The following DMRT1 variants were observed in gnomAD, a reference collection of about 807,000 sequenced individuals.
The protein encoded by DMRT1 is doublesex and mab-3 related transcription factor 1.
Under a neutral mutation model 32.3 loss-of-function variants are expected in DMRT1, and 7 were observed. That is an observed-to-expected ratio of 0.22 (90% CI 0.12 to 0.41). DMRT1 has a LOEUF of 0.41. Ranked by LOEUF, DMRT1 falls within the 10% of genes least tolerant of loss-of-function variation. The probability of loss-of-function intolerance (pLI) is 1.00; values close to 1 mark genes in which losing one functional copy is unlikely to be tolerated. For synonymous variants in DMRT1, 278 were observed against 206.1 expected, an observed-to-expected ratio of 1.35 and a Z score of -2.99; for missense variants, 625 against 500.5, an observed-to-expected ratio of 1.25 and a Z score of -2.37.
intron 2 of DMRT1, among the ~76,000 whole-genome samples, chr9:849,544 C>T (rs1839049325): frequency 1.3e-5 from 2 of 152,136 alleles, no homozygotes; most frequent in South Asian, 4.1e-4. Context: ...GAGTTCAGAA[C>T]GACTCTCACA....
intron 4 of DMRT1, among the ~76,000 whole-genome samples, chr9:921,460 A>G (rs549997069): frequency 7.2e-5 from 11 of 152,298 alleles, no homozygotes; most frequent in African/African-American, 2.4e-4. Flanking sequence ...ACATTTGTGT[A>G]CAAGTCTTTG....
intron 2 of DMRT1, among the ~76,000 whole-genome samples, 187 bp from the exon 3 acceptor site, chr9:893,725 G>C (rs1024690766): frequency 6.6e-6 from 1 of 152,210 alleles, no homozygotes; most frequent in Non-Finnish European, 1.5e-5. Flanking sequence ...TTTCGGTTGT[G>C]CCACCAGAGT....
intron 4 of DMRT1, among the ~76,000 whole-genome samples, chr9:923,853 CTT>C (rs2129814896): frequency 6.6e-6 from 1 of 152,236 alleles, no homozygotes; most frequent in African/African-American, 2.4e-5. Flanking sequence ...TTAGAAACGA[CTT>C]ATTATTTGCT....
At chr9:939,738 G>A (rs10977650) in intron 4 of DMRT1, among the ~76,000 whole-genome samples, 43,909 of 152,062 alleles carry the variant, frequency 0.29, 9,791 homozygotes, top group African/African-American at 0.63. Context: ...AGTGTACAAA[G>A]TAAAACCAGA....
intron 4 of DMRT1, among the ~76,000 whole-genome samples, chr9:954,864 A>C (rs920309031): frequency 6.6e-6 from 1 of 151,250 alleles, no homozygotes; most frequent in East Asian, 2.0e-4. Flanking sequence ...CTGGTCTCGG[A>C]CTCCTGACCT....
chr9:860,735 G>A (rs960397767), intron 2 of DMRT1, among the ~76,000 whole-genome samples: 3 of 152,308 alleles, frequency 2.0e-5, no homozygotes, highest in African/African-American at 7.2e-5. Context: ...TAAATAGGGT[G>A]GTCAAAGAAG....
intron 3 of DMRT1, 25 bp from the exon 4 acceptor site, chr9:916,738 A>T: frequency 6.2e-7 from 1 of 1,613,262 alleles, no homozygotes; most frequent in Non-Finnish European, 8.5e-7. Flanking sequence ...TGATCTCAGT[A>T]TATTTCTTCT....
chr9:852,412 T>G (rs7020362), intron 2 of DMRT1, among the ~76,000 whole-genome samples: 1 of 151,622 alleles, frequency 6.6e-6, no homozygotes, highest in Non-Finnish European at 1.5e-5. Flanking sequence ...TTTTTTTTTT[T>G]CGAAAGTTAT....
In DMRT1 at chr9:929,413, A is replaced by G. The variant is rs993814111; in HGVS notation, c.967+12506A>G. On this transcript the variant is annotated intron_variant, in intron 4 of 4. Coordinates refer to ENST00000382276, the MANE Select transcript of DMRT1 (RefSeq NM_021951.3). Reference sequence around the variant, plus strand: ...TCCAGAGTATCATTTTTATTTCTACAAAAACAGTACAAGAGGGCAATGCTA... The same window carrying G: ...TCCAGAGTATCATTTTTATTTCTACGAAAACAGTACAAGAGGGCAATGCTA... Among the ~76,000 whole-genome samples the G allele has an allele frequency of 4.6e-5, 7 of 152,212 alleles. No homozygotes were observed. In the East Asian group the frequency reaches 1.2e-3, roughly 25 times the overall value.
chr9:891,679 TA>T (rs1417974186), intron 2 of DMRT1, among the ~76,000 whole-genome samples: 1 of 147,988 alleles, frequency 6.8e-6, no homozygotes, highest in African/African-American at 2.6e-5. Context: ...CACGCCTGGC[TA>T]ATTTTTTTTT....
chr9:930,983 A>G (rs764581325), intron 4 of DMRT1, among the ~76,000 whole-genome samples: 19 of 152,264 alleles, frequency 1.2e-4, no homozygotes, highest in Non-Finnish European at 1.8e-4. Context: ...AAACATTTCC[A>G]TCATCCCCAA....
At chr9:916,580 C>G (rs1290370350) in intron 3 of DMRT1, among the ~76,000 whole-genome samples, 183 bp from the exon 4 acceptor site, 1 of 152,176 alleles carries the variant, frequency 6.6e-6, no homozygotes, top group African/African-American at 2.4e-5. Context: ...CTGTGTTGCC[C>G]TGGCTGGTCT....
intron 4 of DMRT1, among the ~76,000 whole-genome samples, chr9:931,373 A>G (rs1818719382): frequency 6.6e-6 from 1 of 152,236 alleles, no homozygotes; most frequent in South Asian, 2.1e-4. Context: ...TACAAATGTA[A>G]TGAGTAGAAC....
At chr9:902,787 C>T (rs2129685529) in intron 3 of DMRT1, among the ~76,000 whole-genome samples, 1 of 152,266 alleles carries the variant, frequency 6.6e-6, no homozygotes, top group East Asian at 1.9e-4. Context: ...CCATGCCCAG[C>T]TTTCCGCTCC....
chr9:902,494 T>C (rs1415469213), intron 3 of DMRT1, among the ~76,000 whole-genome samples: 1 of 150,648 alleles, frequency 6.6e-6, no homozygotes, highest in Non-Finnish European at 1.5e-5. Context: ...CCACCACATT[T>C]TTTTTTTTTT....
rs183564770 is a variant in DMRT1, at chr9:877,920, C to A, written c.539-15992C>A. On this transcript the variant is annotated intron_variant, in intron 2 of 4. Transcript: ENST00000382276. ...TGGATAAGTGTGCCTGTACAATGACCCATGGTTGGCTTTGGAATATACCAT... is the reference window on the plus strand; with the variant it reads ...TGGATAAGTGTGCCTGTACAATGACACATGGTTGGCTTTGGAATATACCAT... 1.1e-4 allele frequency among the ~76,000 whole-genome samples: 17 copies of A among 152,218 alleles called. 1 individual carries two copies. In the East Asian group the frequency reaches 3.3e-3, roughly 29 times the overall value.
intron 4 of DMRT1, among the ~76,000 whole-genome samples, chr9:928,015 C>A (rs750539219): frequency 1.1e-4 from 17 of 152,166 alleles, no homozygotes; most frequent in Non-Finnish European, 2.1e-4. Context: ...TTGGGGAGGT[C>A]TCTGAAGTCA....
intron 2 of DMRT1, among the ~76,000 whole-genome samples, chr9:882,778 TTGTC>T (rs1210754530): frequency 2.0e-5 from 3 of 149,246 alleles, no homozygotes; most frequent in South Asian, 4.4e-4. Context: ...TTTTTTTTTT[TTGTC>T]TGTCTGAGAC....
intron 4 of DMRT1, among the ~76,000 whole-genome samples, chr9:944,509 G>A (rs1819179271): frequency 6.6e-6 from 1 of 152,150 alleles, no homozygotes; most frequent in African/African-American, 2.4e-5. Flanking sequence ...AAATAAAACT[G>A]ATTTTGTGTC....
Sources: allele counts gnomAD v4.1 joint callset (sites outside exome capture counted in the v4.1 genomes callset), GRCh38; gene constraint gnomAD v4.1.1; transcripts MANE v1.5; gene names NCBI Gene and HGNC (gene_info 2026-07-23, HGNC 2026-07-21).